The following SPP2 variants were observed in gnomAD, a reference collection of about 807,000 sequenced individuals.
The protein encoded by SPP2 is secreted phosphoprotein 2.
In SPP2, 34 loss-of-function variants were observed where a neutral mutation model predicts 28.8. That is an observed-to-expected ratio of 1.18 (90% CI 0.90 to 1.57). The LOEUF (loss-of-function observed/expected upper bound fraction) is 1.57, where lower values mean the gene tolerates loss of function less well. Ranked by LOEUF, SPP2 falls within the 40% of genes most tolerant of loss-of-function variation. The probability of loss-of-function intolerance (pLI) is 0.00; values close to 1 mark genes in which losing one functional copy is unlikely to be tolerated. For missense variants in SPP2, 269 were observed against 263.9 expected (o/e 1.02, Z -0.13); for synonymous variants, 96 against 89.4 (o/e 1.07, Z -0.42).
chr2:234,070,993 A>G (rs547350977), intron 7 of SPP2, among the ~76,000 whole-genome samples: 31 of 152,132 alleles, frequency 2.0e-4, no homozygotes, highest in Non-Finnish European at 4.1e-4. Context: ...CTGAAACTCA[A>G]CTAGCTTCCT....
At chr2:234,066,443 G>T in intron 4 of SPP2, 90 bp from the exon 5 acceptor site, 1 of 1,000,590 alleles carries the variant, frequency 1.0e-6, no homozygotes. Context: ...ACATATATCA[G>T]AGTCTTCCAG....
intron 2 of SPP2, among the ~76,000 whole-genome samples, chr2:234,056,756 A>C (rs1693616334): frequency 6.6e-6 from 1 of 152,288 alleles, no homozygotes; most frequent in Middle Eastern, 3.4e-3. Flanking sequence ...ATATATTAAA[A>C]TTATAAGTAT....
chr2:234,064,049 G>A (rs1693771321), intron 4 of SPP2, among the ~76,000 whole-genome samples: 1 of 152,068 alleles, frequency 6.6e-6, no homozygotes, highest in African/African-American at 2.4e-5. Flanking sequence ...GGGACAACTC[G>A]ACTTAGAGTC....
At chr2:234,073,170 G>A (rs1690830910) in intron 7 of SPP2, among the ~76,000 whole-genome samples, 1 of 152,224 alleles carries the variant, frequency 6.6e-6, no homozygotes, top group African/African-American at 2.4e-5. Flanking sequence ...TTACAGGCAT[G>A]AGCCACCACG....
chr2:234,065,510 C>T (rs1030228841), intron 4 of SPP2, among the ~76,000 whole-genome samples: 2 of 152,154 alleles, frequency 1.3e-5, no homozygotes, highest in Admixed American at 6.5e-5. Context: ...CAACTCCTGG[C>T]CTCAGCTAGT....
chr2:234,075,737 C>CCA (rs1250388986), intron 7 of SPP2, among the ~76,000 whole-genome samples: 1 of 152,210 alleles, frequency 6.6e-6, no homozygotes, highest in Non-Finnish European at 1.5e-5. Context: ...CCCCTCTCCT[C>CCA]CACACTGTCC....
At chr2:234,075,482 C>T (rs1168085170) in intron 7 of SPP2, among the ~76,000 whole-genome samples, 1 of 152,204 alleles carries the variant, frequency 6.6e-6, no homozygotes, top group African/African-American at 2.4e-5. Context: ...CCTCCTGGAC[C>T]TCACGGCCGC....
chr2:234,069,814 G>T, intron 6 of SPP2, 114 bp from the exon 7 acceptor site: 1 of 770,634 alleles, frequency 1.3e-6, no homozygotes, highest in East Asian at 2.7e-5. Flanking sequence ...CATGGCAGAT[G>T]GGTTCAGGTT....
intron 2 of SPP2, among the ~76,000 whole-genome samples, chr2:234,056,882 C>T (rs1016413681): frequency 1.3e-5 from 2 of 151,956 alleles, no homozygotes; most frequent in African/African-American, 4.8e-5. Flanking sequence ...GATCCCCGTC[C>T]TCAGCTTGGA....
chr2:234,066,155 C>A (rs1190452458), intron 4 of SPP2, among the ~76,000 whole-genome samples: 3 of 152,124 alleles, frequency 2.0e-5, no homozygotes, highest in African/African-American at 7.2e-5. Flanking sequence ...CTTGTGGACA[C>A]CTTTTCCTAC....
rs1012206020 is a variant in SPP2 at position 234,058,771 on chromosome 2, T to C, written c.211-65T>C. On this transcript the variant is annotated intron_variant, in intron 2 of 7. Transcript: ENST00000168148. ...TTTTTTTCTTATGGGGTAGAGACAATGATTTATAGCATCATAAACTTCAGA... is the reference window on the plus strand; with the variant it reads ...TTTTTTTCTTATGGGGTAGAGACAACGATTTATAGCATCATAAACTTCAGA... 7 of 1,539,170 alleles carry C rather than the reference T, an allele frequency of 4.5e-6. No homozygotes were observed. The African/African-American group carries it at 6.9e-5, about 15-fold the overall frequency.
In SPP2 at chr2:234,065,302, CAG is replaced by C. The variant is rs368845195; in HGVS notation, c.445-1228_445-1227del. 4.1e-4 allele frequency among the ~76,000 whole-genome samples: 62 copies of C among 152,062 alleles called. No individual in the cohort carries two copies. The East Asian group carries it at 0.01, about 26-fold the overall frequency. On this transcript the variant is annotated intron_variant, in intron 4 of 7. Coordinates refer to ENST00000168148, the MANE Select transcript of SPP2 (RefSeq NM_006944.3). ...TTGTAGTTTTTTTTGTTGTTGTTGACAGAGTCTCACTCTGTCACTCAGTCTGG... is the reference window on the plus strand; with the variant it reads ...TTGTAGTTTTTTTTGTTGTTGTTGACAGTCTCACTCTGTCACTCAGTCTGG...
At chr2:234,071,374 C>T (rs568694776) in intron 7 of SPP2, among the ~76,000 whole-genome samples, 4 of 152,194 alleles carry the variant, frequency 2.6e-5, no homozygotes, top group Admixed American at 2.6e-4. Context: ...AGAGGAGGAA[C>T]AGCCTATCTG....
rs1690873762 is a variant in SPP2, at chr2:234,075,264, A to T, written c.*11-1581A>T. On this transcript the variant is annotated intron_variant, in intron 7 of 7. Coordinates refer to ENST00000168148, the MANE Select transcript of SPP2 (RefSeq NM_006944.3). Reference sequence around the variant, plus strand: ...ATTCACAAATACAGCATCTGTGACTAATGAGGATTGACTGCTGAGTGGGTT... The same window carrying T: ...ATTCACAAATACAGCATCTGTGACTTATGAGGATTGACTGCTGAGTGGGTT... 2.0e-5 allele frequency among the ~76,000 whole-genome samples: 3 copies of T among 152,280 alleles called. No homozygotes were observed. The South Asian group carries it at 6.2e-4, about 32-fold the overall frequency.
intron 6 of SPP2, among the ~76,000 whole-genome samples, chr2:234,068,282 T>A (rs1693867210): frequency 6.6e-6 from 1 of 152,236 alleles, no homozygotes; most frequent in Admixed American, 6.5e-5. Flanking sequence ...GAGGTAGCAC[T>A]ATGTTCTTTC....
At chr2:234,070,072 T>G in intron 7 of SPP2, 49 bp downstream of exon 7, 1 of 1,470,580 alleles carries the variant, frequency 6.8e-7, no homozygotes, top group Non-Finnish European at 9.5e-7. Context: ...AGAAGCTACG[T>G]GGAGTGAACG....
In SPP2 at chr2:234,051,213, T is replaced by A. The variant is rs1362458800; in HGVS notation, c.210+118T>A. ...GTTTAAAAATGATAGTAGCTAGTCA[T>A]CTCTTTCATACTGTCTCTTTTCTTT... is the stretch of plus-strand genomic sequence containing the variant. On this transcript the variant is annotated intron_variant, in intron 2 of 7. Transcript: ENST00000168148. 2.3e-6 allele frequency: 3 copies of A among 1,320,716 alleles called. No individual in the cohort carries two copies. The African/African-American group carries it at 4.4e-5, about 19-fold the overall frequency. The allele number at this position is 1,320,716 out of a possible 1,614,324, so 81.8% of individuals were successfully genotyped here.
At chr2:234,060,620 C>T (rs1219358755) in intron 4 of SPP2, 141 bp downstream of exon 4, 2 of 661,930 alleles carry the variant, frequency 3.0e-6, no homozygotes, top group Non-Finnish European at 5.3e-6. Flanking sequence ...GTGGGATTCT[C>T]TCTTGGACAC....
At position 234,050,782 on chromosome 2, in the gene SPP2, CA is replaced by C; in HGVS notation, c.-3del. On this transcript the variant is annotated 5_prime_UTR_variant, in exon 1 of 8. Transcript: ENST00000168148. ...AGAGACACTCTCTGTCTCTCGATTA[CA>C]ATCATGATTTCCAGAATGGAGAAGA... The C allele has an allele frequency of 1.2e-6, 2 of 1,613,344 alleles. No individual in the cohort carries two copies. The highest frequency in any genetic ancestry group is 1.7e-6 in the Non-Finnish European group (2 of 1,179,360).
Sources: gnomAD v4.1 joint callset for allele counts (sites outside exome capture counted in the v4.1 genomes callset) on GRCh38, gnomAD v4.1.1 for gene constraint, MANE v1.5 for transcripts, NCBI Gene and HGNC (gene_info 2026-07-23, HGNC 2026-07-21) for gene names.